The following PRORP variants were observed in gnomAD, a reference collection of about 807,000 sequenced individuals.
PRORP encodes the protein mitochondrial ribonuclease P catalytic subunit.
A neutral mutation model predicts 59.4 loss-of-function variants in PRORP; 51 were observed. The ratio of observed to expected loss-of-function variants is 0.86; its 90% confidence interval spans 0.69 to 1.08. The LOEUF is 1.08. PRORP is among the 50% of genes least tolerant of loss of function. The pLI is 0.00. For synonymous variants in PRORP, 231 were observed against 245.6 expected, an observed-to-expected ratio of 0.94 and a Z score of 0.55; for missense variants, 646 against 690.3, an observed-to-expected ratio of 0.94 and a Z score of 0.72.
chr14:35,264,646 A>G (rs2050994567), intron 5 of PRORP, among the ~76,000 whole-genome samples: 2 of 152,230 alleles, frequency 1.3e-5, no homozygotes, highest in Non-Finnish European at 2.9e-5. Context: ...GGAGTGGACA[A>G]AAATTCAATA....
At chr14:35,158,353 AT>A in intron 4 of PRORP, 1 of 299,452 alleles carries the variant, frequency 3.3e-6, no homozygotes, top group Admixed American at 3.8e-5. Flanking sequence ...AATGTTCACC[AT>A]TTTCAACTTT....
At chr14:35,235,108 AT>A (rs1004876967) in intron 5 of PRORP, 9 of 460,168 alleles carry the variant, frequency 2.0e-5, no homozygotes, top group African/African-American at 1.8e-4. Context: ...GGAAGCTAAT[AT>A]TTTTTGAAGG....
chr14:35,224,447 T>G (rs1300938416), intron 5 of PRORP, among the ~76,000 whole-genome samples: 2 of 152,184 alleles, frequency 1.3e-5, no homozygotes, highest in African/African-American at 4.8e-5. Flanking sequence ...CTACTACCAG[T>G]TCCCATTTTA....
intron 4 of PRORP, among the ~76,000 whole-genome samples, chr14:35,180,142 A>T (rs1472256511): frequency 6.6e-6 from 1 of 152,078 alleles, no homozygotes; most frequent in Non-Finnish European, 1.5e-5. Context: ...GTCTGCCCCT[A>T]CTTGGGCTAC....
In PRORP at chr14:35,273,485, C is replaced by T. The variant is rs2051248065; in HGVS notation, c.1671C>T (p.His557=). The change falls in exon 8 of 8, where the codon CAC becomes CAT. Residue 557 remains histidine, a synonymous_variant. Coordinates refer to ENST00000534898, the MANE Select transcript of PRORP (RefSeq NM_014672.4). ...TGCAAACAACTGGAGACTCGTGGCA[C>T]ATACCATATGATGAAGACTTGGTAG... ...TVVQTTGDSW[H]IPYDEDLVER... 7 of 1,613,620 alleles carry T rather than the reference C, an allele frequency of 4.3e-6. No individual in the cohort carries two copies. Among genetic ancestry groups the T allele is most frequent in the Non-Finnish European group, 5.1e-6 (6 of 1,179,738 alleles).
chr14:35,229,217 G>A (rs2050012070), intron 5 of PRORP, among the ~76,000 whole-genome samples: 1 of 152,048 alleles, frequency 6.6e-6, no homozygotes, highest in Non-Finnish European at 1.5e-5. Context: ...TGCGTAGTTT[G>A]CGATTATTTT....
At position 35,129,148 on chromosome 14, in the gene PRORP, AAGTG is replaced by A. The variant is rs748580674; in HGVS notation, c.1167+1540_1167+1543del. On this transcript the variant is annotated intron_variant, in intron 4 of 7. Coordinates refer to ENST00000534898, the MANE Select transcript of PRORP (RefSeq NM_014672.4). ...GCTTGAACCCAGGAGGCGGAGGTTG[AAGTG>A]AGCCGAGATCACGCCATTGCACTCC... Among the ~76,000 whole-genome samples the A allele has an allele frequency of 2.6e-5, 4 of 152,006 alleles. No homozygotes were observed. In the East Asian group the frequency reaches 5.8e-4, roughly 22 times the overall value.
intron 4 of PRORP, among the ~76,000 whole-genome samples, chr14:35,143,324 G>T (rs1252630726): frequency 6.9e-6 from 1 of 143,908 alleles, no homozygotes; most frequent in Non-Finnish European, 1.5e-5. Flanking sequence ...ACCACACCCG[G>T]CTAATTTTTG....
chr14:35,258,431 G>A (rs2050813387), intron 5 of PRORP, among the ~76,000 whole-genome samples: 1 of 151,904 alleles, frequency 6.6e-6, no homozygotes, highest in South Asian at 2.1e-4. Context: ...CGTATTTCAA[G>A]GAAAAATAAT....
intron 5 of PRORP, among the ~76,000 whole-genome samples, chr14:35,220,193 A>G (rs902551492): frequency 3.9e-5 from 6 of 152,308 alleles, no homozygotes; most frequent in East Asian, 1.9e-4. Flanking sequence ...CATGTCCCCT[A>G]TCTCACTTTC....
intron 4 of PRORP, among the ~76,000 whole-genome samples, chr14:35,129,072 G>T (rs2138789340): frequency 6.6e-6 from 1 of 152,030 alleles, no homozygotes; most frequent in South Asian, 2.1e-4. Flanking sequence ...GCTGGGCATG[G>T]CGGCGCACGC....
intron 5 of PRORP, among the ~76,000 whole-genome samples, chr14:35,242,765 G>T (rs73239022): frequency 0.049 from 7,468 of 152,224 alleles, 329 homozygotes; most frequent in Admixed American, 0.15. Context: ...TCCTGACCTG[G>T]GTAGAGTGCT....
At chr14:35,268,429 C>T (rs1362878107) in intron 6 of PRORP, among the ~76,000 whole-genome samples, 1 of 151,636 alleles carries the variant, frequency 6.6e-6, no homozygotes, top group African/African-American at 2.4e-5. Context: ...AGTACAGATC[C>T]GCAACAGCAC....
chr14:35,127,381 T>C, intron 3 of PRORP, 98 bp from the exon 4 acceptor site: 8 of 838,002 alleles, frequency 9.5e-6, no homozygotes, highest in Non-Finnish European at 1.4e-5. Flanking sequence ...TTCTTTTTTA[T>C]TACCTTTTAA....
chr14:35,172,652 C>T (rs933552745), intron 4 of PRORP, among the ~76,000 whole-genome samples: 4 of 150,946 alleles, frequency 2.6e-5, no homozygotes, highest in South Asian at 2.1e-4. Context: ...CGGGTTCAAG[C>T]GATTCTTCTG....
At chr14:35,263,117 G>T in intron 5 of PRORP, 1 of 941,116 alleles carries the variant, frequency 1.1e-6, no homozygotes, top group African/African-American at 1.7e-5. Context: ...TGATGCAAAA[G>T]ACCTATTGAT....
chr14:35,139,093 A>C (rs748275372), intron 4 of PRORP, among the ~76,000 whole-genome samples: 10 of 145,424 alleles, frequency 6.9e-5, no homozygotes, highest in Admixed American at 5.0e-4. Flanking sequence ...GCCCGGCCAA[A>C]GATACTGATT....
chr14:35,221,950 A>C (rs1383958466), intron 5 of PRORP, among the ~76,000 whole-genome samples: 1 of 152,170 alleles, frequency 6.6e-6, no homozygotes, highest in Non-Finnish European at 1.5e-5. Flanking sequence ...ATTCATCGGA[A>C]GTAACTATTT....
chr14:35,275,797 TAAA>T lies in PRORP; in HGVS notation c.*2245_*2247del, dbSNP rs11294873. Reference sequence around the variant, plus strand: ...GGCAACATAGCAAGACCCTGTCTCTTAAAAAAAAAAAAAAAAGACGGGAGAAGC... The same window carrying T: ...GGCAACATAGCAAGACCCTGTCTCTTAAAAAAAAAAAAAGACGGGAGAAGC... On this transcript the variant is annotated 3_prime_UTR_variant, in exon 8 of 8. Coordinates refer to ENST00000534898, the MANE Select transcript of PRORP (RefSeq NM_014672.4). The T allele has an allele frequency of 3.1e-3, 432 of 139,708 alleles. 4 individuals carry two copies. The highest frequency in any genetic ancestry group is 8.7e-3 in the African/African-American group (330 of 37,740). 8.7% of individuals were successfully genotyped at this position (139,708 alleles called of 1,614,324 possible). A position where few individuals can be genotyped will look rare whatever the true frequency, so the allele number is the denominator to read the frequency against.
Sources: gnomAD v4.1 joint callset for allele counts (sites outside exome capture counted in the v4.1 genomes callset) on GRCh38, gnomAD v4.1.1 for gene constraint, MANE v1.5 for transcripts, NCBI Gene and HGNC (gene_info 2026-07-23, HGNC 2026-07-21) for gene names.